The following EPHA3 variants were observed in gnomAD, a reference collection of about 807,000 sequenced individuals.
The protein encoded by EPHA3 is EPH receptor A3.
Under a neutral mutation model 107.1 loss-of-function variants are expected in EPHA3, and 42 were observed. The ratio of observed to expected loss-of-function variants is 0.39; its 90% CI spans 0.31 to 0.51. EPHA3 has a LOEUF of 0.51. Ranked by LOEUF, EPHA3 falls within the 20% of genes least tolerant of loss-of-function variation. EPHA3 has a pLI of 0.78. For synonymous variants in EPHA3, 461 were observed against 424.8 expected, an observed-to-expected ratio of 1.09 and a Z score of -1.05; for missense variants, 1,183 against 1,211.2, an observed-to-expected ratio of 0.98 and a Z score of 0.35.
chr3:89,293,188 G>A (rs180811477), intron 3 of EPHA3, among the ~76,000 whole-genome samples: 1 of 152,088 alleles, frequency 6.6e-6, no homozygotes. Flanking sequence ...TTTGAGCGGG[G>A]AGATTATTTT....
chr3:89,114,597 C>T (rs1707208499), intron 1 of EPHA3, among the ~76,000 whole-genome samples: 1 of 152,194 alleles, frequency 6.6e-6, no homozygotes, highest in South Asian at 2.1e-4. Flanking sequence ...CAGGGTGCCA[C>T]GGCCTCCGTC....
chr3:89,380,121 C>T (rs1302456564), intron 5 of EPHA3, among the ~76,000 whole-genome samples: 2 of 152,042 alleles, frequency 1.3e-5, no homozygotes, highest in Non-Finnish European at 2.9e-5. Context: ...TGATGCAATG[C>T]ATACGTCTAT....
At chr3:89,358,492 T>C (rs1708015096) in intron 5 of EPHA3, among the ~76,000 whole-genome samples, 1 of 150,990 alleles carries the variant, frequency 6.6e-6, no homozygotes, top group Non-Finnish European at 1.5e-5. Flanking sequence ...TGGGATAAAA[T>C]GATGATTAAG....
intron 10 of EPHA3, 135 bp downstream of exon 10, chr3:89,413,401 C>A (rs1318372566): frequency 5.3e-6 from 6 of 1,133,708 alleles, no homozygotes; most frequent in Middle Eastern, 4.1e-4. Context: ...TAAATAAGTG[C>A]AATATTTAAT....
At position 89,173,326 on chromosome 3, in the gene EPHA3, A is replaced by G. The variant is rs145390312; in HGVS notation, c.154-36534A>G. Among the ~76,000 whole-genome samples, 142 of 152,188 alleles carry G rather than the reference A, an allele frequency of 9.3e-4. 2 individuals carry two copies. The East Asian group carries it at 0.015, about 16-fold the overall frequency. On this transcript the variant is annotated intron_variant, in intron 2 of 16. Coordinates refer to ENST00000336596, the MANE Select transcript of EPHA3 (RefSeq NM_005233.6). ...TTTAATTTGGAATTCCTAAAATCCA[A>G]GGCCAAAAATGCATTTTATATATCA... is the stretch of plus-strand genomic sequence containing the variant.
rs1045279860 is a variant in EPHA3 at position 89,389,735 on chromosome 3, C to T, written c.1307-6102C>T. Among the ~76,000 whole-genome samples, 38 of 152,316 alleles carry T rather than the reference C, an allele frequency of 2.5e-4. 2 individuals carry two copies. The highest frequency in any genetic ancestry group is 1.5e-5 in the Non-Finnish European group (1 of 68,026). On this transcript the variant is annotated intron_variant, in intron 5 of 16. Coordinates refer to ENST00000336596, the MANE Select transcript of EPHA3 (RefSeq NM_005233.6). ...TGTCTGTCACCAGATCTGGCAGACA[C>T]ATGTATCAAGTGTAATTCTAACACA... is the stretch of plus-strand genomic sequence containing the variant.
intron 3 of EPHA3, among the ~76,000 whole-genome samples, chr3:89,284,988 C>T (rs1410894854): frequency 2.3e-4 from 35 of 151,902 alleles, no homozygotes; most frequent in African/African-American, 5.6e-4. Context: ...TAGCTGGGCA[C>T]GGTGGTGGGA....
chr3:89,467,253 T>G (rs1409775804), intron 15 of EPHA3, among the ~76,000 whole-genome samples: 1 of 152,170 alleles, frequency 6.6e-6, no homozygotes, highest in Non-Finnish European at 1.5e-5. Context: ...TATATTACTA[T>G]TCTCAAACAA....
chr3:89,166,896 T>C (rs1400408068), intron 2 of EPHA3, among the ~76,000 whole-genome samples: 3 of 152,278 alleles, frequency 2.0e-5, no homozygotes, highest in South Asian at 4.1e-4. Context: ...CCAGCAAGTA[T>C]GATGTATTAT....
chr3:89,233,628 G>T (rs1250362575), intron 3 of EPHA3, among the ~76,000 whole-genome samples: 1 of 152,088 alleles, frequency 6.6e-6, no homozygotes, highest in East Asian at 1.9e-4. Context: ...AATTATATCG[G>T]TTCCTCAATT....
At chr3:89,119,120 A>G (rs1707320598) in intron 1 of EPHA3, among the ~76,000 whole-genome samples, 1 of 152,084 alleles carries the variant, frequency 6.6e-6, no homozygotes, top group East Asian at 1.9e-4. Context: ...TATAACAAAG[A>G]CACACTTTTA....
chr3:89,331,463 A>G (rs1273890080), intron 3 of EPHA3, among the ~76,000 whole-genome samples: 2 of 152,194 alleles, frequency 1.3e-5, no homozygotes, highest in African/African-American at 4.8e-5. Context: ...TGAACATAGC[A>G]TAATTTATTT....
In EPHA3 at chr3:89,459,362, C is replaced by CT. The variant is rs562348827; in HGVS notation, c.2690+8999dup. On this transcript the variant is annotated intron_variant, in intron 15 of 16. Coordinates refer to ENST00000336596, the MANE Select transcript of EPHA3 (RefSeq NM_005233.6). Reference sequence around the variant, plus strand: ...ATGAAAACAAAAGAAGCTCTCCTCTCTTTTTTTATAAGAATCAAAGAAATG... The same window carrying CT: ...ATGAAAACAAAAGAAGCTCTCCTCTCTTTTTTTTATAAGAATCAAAGAAATG... 5.3e-5 allele frequency among the ~76,000 whole-genome samples: 8 copies of CT among 152,178 alleles called. No homozygotes were observed. The South Asian group carries it at 1.7e-3, about 32-fold the overall frequency.
intron 2 of EPHA3, among the ~76,000 whole-genome samples, chr3:89,196,683 G>C (rs1705844103): frequency 1.3e-5 from 2 of 152,040 alleles, no homozygotes; most frequent in Admixed American, 1.3e-4. Flanking sequence ...AGTCATAGTA[G>C]TCAAAATTAT....
intron 6 of EPHA3, among the ~76,000 whole-genome samples, chr3:89,398,656 T>A (rs923682863): frequency 6.6e-5 from 10 of 152,210 alleles, no homozygotes; most frequent in Non-Finnish European, 1.2e-4. Flanking sequence ...TATTTTCTTC[T>A]TTGTAAGTTT....
At chr3:89,411,200 T>A (rs1340596594) in intron 9 of EPHA3, among the ~76,000 whole-genome samples, 2 of 151,832 alleles carry the variant, frequency 1.3e-5, no homozygotes, top group East Asian at 1.9e-4. Flanking sequence ...CTTGTCTTTT[T>A]TGCCAAGATA....
intron 15 of EPHA3, among the ~76,000 whole-genome samples, chr3:89,467,031 G>T (rs1710292955): frequency 6.6e-6 from 1 of 152,060 alleles, no homozygotes; most frequent in South Asian, 2.1e-4. Context: ...CTAGGTTCCT[G>T]TTGGGAACTG....
intron 3 of EPHA3, among the ~76,000 whole-genome samples, chr3:89,218,278 T>A (rs1704267523): frequency 6.8e-6 from 1 of 146,598 alleles, no homozygotes; most frequent in African/African-American, 2.5e-5. Flanking sequence ...CTCCTAATGC[T>A]ATCCCTCCCC....
intron 3 of EPHA3, among the ~76,000 whole-genome samples, chr3:89,294,820 AT>A (rs1706306045): frequency 1.3e-5 from 2 of 152,096 alleles, no homozygotes; most frequent in African/African-American, 4.8e-5. Context: ...TTCTCTCTCT[AT>A]TATGAGTTGT....
Sources: allele counts gnomAD v4.1 joint callset (sites outside exome capture counted in the v4.1 genomes callset), GRCh38; gene constraint gnomAD v4.1.1; transcripts MANE v1.5; gene names NCBI Gene and HGNC (gene_info 2026-07-23, HGNC 2026-07-21).